PCSK4: variants seen among roughly 807,000 people sequenced by gnomAD.
PCSK4 encodes testicular tissue protein Li 135.
PCSK4 carries 64 observed loss-of-function variants against 80.3 expected under a neutral mutation model. That is an observed-to-expected ratio of 0.80 (90% CI 0.65 to 0.98). PCSK4 has a LOEUF of 0.98. PCSK4 is among the 50% of genes least tolerant of loss of function. The probability of loss-of-function intolerance (pLI) is 0.00; values close to 1 mark genes in which losing one functional copy is unlikely to be tolerated. For synonymous variants in PCSK4, 561 were observed against 487.6 expected (o/e 1.15, Z -1.98); for missense variants, 1,213 against 1,093.6 (o/e 1.11, Z -1.54).
chr19:1,483,941 G>T (rs1169367047), exon 10 of PCSK4: 1 of 1,444,808 alleles, frequency 6.9e-7, no homozygotes, highest in Non-Finnish European at 9.0e-7. Context: ...TCAGGAACGG[G>T]CTGCGGGGGG....
At position 1,483,474 on chromosome 19, in the gene PCSK4, C is replaced by A. The variant is rs1189916082; in HGVS notation, c.1392-11G>T. 7.1e-7 allele frequency: 1 copy of A among 1,413,648 alleles called. No individual in the cohort carries two copies. The highest frequency in any genetic ancestry group is 9.4e-7 in the Non-Finnish European group (1 of 1,064,874). 87.6% of individuals were successfully genotyped at this position (1,413,648 alleles called of 1,614,324 possible). ...AGCGGCAGGATGGGGCTGAGGGGGT[C>A]GAGGGGTGAGGACCCTCCTGCGGCC... is the stretch of plus-strand genomic sequence containing the variant. On this transcript the variant is annotated splice_polypyrimidine_tract_variant and intron_variant, in intron 11 of 14. Coordinates refer to ENST00000300954, the Ensembl canonical transcript of PCSK4.
chr19:1,483,127 C>T, intron 12 of PCSK4, 107 bp from the exon 13 acceptor site: 1 of 1,268,744 alleles, frequency 7.9e-7, no homozygotes, highest in Non-Finnish European at 1.1e-6. Context: ...GCCGCGTGTC[C>T]TCTGGGTGTG....
At position 1,487,813 on chromosome 19, in the gene PCSK4, GC is replaced by G. The variant is rs764840325; in HGVS notation, c.564del (p.Gln188HisfsTer58). The G allele has an allele frequency of 1.5e-5, 24 of 1,579,288 alleles. No homozygotes were observed. The highest frequency in any genetic ancestry group is 2.1e-5 in the Non-Finnish European group (24 of 1,162,164). ...TTCTCTTTGCTGGGGGTGTAGCGGG[GC>G]TGGGGGTCCGGGTCGTAGTCATTGA... On this transcript the variant is annotated frameshift_variant, in exon 5 of 15. Coordinates refer to ENST00000300954, the Ensembl canonical transcript of PCSK4. LOFTEE classifies it high-confidence loss of function.
Position 1,487,823 on chromosome 19 carries a change from CG to C in PCSK4, c.554del (p.Pro185ArgfsTer61). 6.4e-7 allele frequency: 1 copy of C among 1,564,962 alleles called. No individual in the cohort carries two copies. The highest frequency in any genetic ancestry group is 1.2e-5 in the South Asian group (1 of 84,758). ...TGGGGGTGTAGCGGGGCTGGGGGTC[CG>C]GGTCGTAGTCATTGAAGTCATAGCT... On this transcript the variant is annotated frameshift_variant, in exon 5 of 15. Transcript: ENST00000300954. LOFTEE classifies it high-confidence loss of function.
Position 1,481,952 on chromosome 19 carries a change from C to CGGCTGTCGGGGGT in PCSK4, c.2062_2074dup (p.Arg692HisfsTer9). 3.1e-6 allele frequency: 5 copies of CGGCTGTCGGGGGT among 1,593,898 alleles called. No individual in the cohort carries two copies. The East Asian group carries it at 9.0e-5, about 29-fold the overall frequency. ...ACAGGCGGCAGCTCTAAGCCGGGGG[C>CGGCTGTCGGGGGT]GGCTGTCGGGGGTGGTGGGTCCCAT... On this transcript the variant is annotated frameshift_variant, in exon 15 of 15. Coordinates refer to ENST00000300954, the Ensembl canonical transcript of PCSK4. LOFTEE classifies it low-confidence loss of function (END_TRUNC).
In PCSK4 at chr19:1,487,451, T is replaced by C. The variant is rs1185718200; in HGVS notation, c.683-138A>G. The C allele has an allele frequency of 1.1e-5, 11 of 983,242 alleles. No homozygotes were observed. The Admixed American group carries it at 1.4e-4, about 12-fold the overall frequency. 60.9% of individuals were successfully genotyped at this position (983,242 alleles called of 1,614,324 possible). On this transcript the variant is annotated intron_variant, in intron 6 of 14. Transcript: ENST00000300954. ...CTCCCTGGAGTGGGACCATTCGTAT[T>C]GGCTCAGCACCCCCCAAGCCCTGGA...
intron 8 of PCSK4, among the ~76,000 whole-genome samples, chr19:1,485,034 G>A (rs903743919): frequency 6.6e-6 from 1 of 151,962 alleles, no homozygotes; most frequent in African/African-American, 2.4e-5. Flanking sequence ...TGTAATCCCA[G>A]CTACTCAGGA....
chr19:1,490,654 C>G (rs2145460824), upstream of PCSK4: 1 of 362,488 alleles, frequency 2.8e-6, no homozygotes, highest in African/African-American at 2.1e-5. Flanking sequence ...TTTGTTTGAC[C>G]TCTCCCACTT....
In PCSK4 at chr19:1,487,959, C is replaced by T. The variant is rs780609620; in HGVS notation, c.516+5G>A. On this transcript the variant is annotated splice_donor_5th_base_variant and intron_variant, in intron 4 of 14. Transcript: ENST00000300954. Reference sequence around the variant, plus strand: ...GCCCTCGCCCACAGCCACCCGCGGTCTCACGTAGTTGGCCCAGAGGTCCGG... The same window carrying T: ...GCCCTCGCCCACAGCCACCCGCGGTTTCACGTAGTTGGCCCAGAGGTCCGG... 1 of 1,607,718 alleles carries T rather than the reference C, an allele frequency of 6.2e-7. No homozygotes were observed. The highest frequency in any genetic ancestry group is 8.5e-7 in the Non-Finnish European group (1 of 1,175,734).
Position 1,481,651 on chromosome 19 carries a change from G to A in PCSK4, c.*108C>T, listed in dbSNP as rs2656883. On this transcript the variant is annotated 3_prime_UTR_variant, in exon 15 of 15. Transcript: ENST00000300954. ...GGGGCCCATCCCTGGCAGGCCAGGC[G>A]TCGGGTGCTGGTGCTCGCTCCTCTG... 0.013 allele frequency: 8,629 copies of A among 688,142 alleles called. 553 individuals carry two copies. The African/African-American group carries it at 0.14, about 11-fold the overall frequency. The allele number at this position is 688,142 out of a possible 1,614,324, so 42.6% of individuals were successfully genotyped here.
intron 6 of PCSK4, 24 bp from the exon 7 acceptor site, chr19:1,487,337 C>T (rs764651089): frequency 2.6e-5 from 41 of 1,552,902 alleles, no homozygotes; most frequent in Admixed American, 5.2e-5. Context: ...GCGGGAGGGC[C>T]GCTGCCACCG....
Position 1,486,722 on chromosome 19 carries a change from G to A in PCSK4, c.1068+131C>T, listed in dbSNP as rs746112881. 26 of 765,476 alleles carry A rather than the reference G, an allele frequency of 3.4e-5. No individual in the cohort carries two copies. In the Admixed American group the frequency reaches 4.5e-4, roughly 13 times the overall value. The allele number at this position is 765,476 out of a possible 1,614,324, so 47.4% of individuals were successfully genotyped here. A position where few individuals can be genotyped will look rare whatever the true frequency, so the allele number is the denominator to read the frequency against. On this transcript the variant is annotated intron_variant, in intron 8 of 14. Coordinates refer to ENST00000300954, the Ensembl canonical transcript of PCSK4. ...GCTGGGATTACAGGTGTGAGCCACC[G>A]TGCTCGGCCTGGATTTGCATTTTCA... is the stretch of plus-strand genomic sequence containing the variant.
intron 8 of PCSK4, among the ~76,000 whole-genome samples, chr19:1,485,825 C>T (rs533911151): frequency 3.3e-5 from 5 of 151,610 alleles, no homozygotes; most frequent in Admixed American, 6.6e-5. Context: ...GAGCTGAGAT[C>T]GCGCCACTGC....
intron 2 of PCSK4, among the ~76,000 whole-genome samples, chr19:1,488,755 A>C (rs924296706): frequency 1.4e-4 from 21 of 150,862 alleles, no homozygotes; most frequent in Admixed American, 1.3e-3. Context: ...TAATTTTTGT[A>C]CATTTAGTAG....
At chr19:1,482,751 A>G (rs2084368033) in intron 13 of PCSK4, 145 bp downstream of exon 13, 1 of 869,036 alleles carries the variant, frequency 1.2e-6, no homozygotes, top group Non-Finnish European at 1.8e-6. Flanking sequence ...CTCCCGGGTG[A>G]CTGCACGCCT....
intron 8 of PCSK4, among the ~76,000 whole-genome samples, chr19:1,485,526 C>T (rs990719488): frequency 1.3e-5 from 2 of 152,018 alleles, no homozygotes; most frequent in African/African-American, 4.8e-5. Flanking sequence ...GATCATGCCA[C>T]TTCACTCTGT....
chr19:1,482,847 G>A lies in PCSK4; in HGVS notation c.1696+49C>T, dbSNP rs201319788. On this transcript the variant is annotated intron_variant, in intron 13 of 14. Coordinates refer to ENST00000300954, the Ensembl canonical transcript of PCSK4. ...AGGCTAGCTCCAGAGCCCCTGGGGG[G>A]AGGTTGGAGAGCCAAGCCCCGCCCA... The A allele has an allele frequency of 4.2e-4, 663 of 1,597,356 alleles. 7 individuals are homozygous for A. The East Asian group carries it at 7.3e-3, about 18-fold the overall frequency.
At chr19:1,484,607 C>A (rs565212661) in intron 8 of PCSK4, among the ~76,000 whole-genome samples, 2 of 151,906 alleles carry the variant, frequency 1.3e-5, no homozygotes, top group East Asian at 3.9e-4. Flanking sequence ...CACCGGAGGT[C>A]AGGAGTTCGA....
chr19:1,490,017 A>G, intron 1 of PCSK4, 120 bp from the exon 2 acceptor site: 1 of 1,523,792 alleles, frequency 6.6e-7, no homozygotes, highest in Non-Finnish European at 8.8e-7. Flanking sequence ...GGAGTCCCAG[A>G]AGCTGAGCTT....
Sources: allele counts gnomAD v4.1 joint callset (sites outside exome capture counted in the v4.1 genomes callset), GRCh38; gene constraint gnomAD v4.1.1; transcripts MANE v1.5; gene names NCBI Gene and HGNC (gene_info 2026-07-23, HGNC 2026-07-21).